Variants in UCKL1 observed in about 807,000 individuals in gnomAD.
UCKL1 encodes uridine-cytidine kinase-like 1.
In UCKL1, 65 loss-of-function variants were observed where a neutral mutation model predicts 59.2. The observed-to-expected ratio is 1.10, with a 90% CI of 0.90 to 1.35. The LOEUF (loss-of-function observed/expected upper bound fraction) is 1.35, where lower values mean the gene tolerates loss of function less well. Ranked by LOEUF, UCKL1 falls within the 40% of genes most tolerant of loss-of-function variation. The pLI is 0.00. For synonymous variants in UCKL1, 410 were observed against 323.1 expected (o/e 1.27, Z -2.88); for missense variants, 703 against 784.3 (o/e 0.90, Z 1.24).
intron 4 of UCKL1, 22 bp downstream of exon 4, chr20:63,945,783 C>CCT: frequency 6.2e-7 from 1 of 1,613,108 alleles, no homozygotes; most frequent in Non-Finnish European, 8.5e-7. Flanking sequence ...CCCGAGGCCC[C>CCT]CTCTGCAGGG....
intron 8 of UCKL1, 37 bp downstream of exon 8, chr20:63,943,616 G>A: frequency 6.2e-7 from 1 of 1,612,430 alleles, no homozygotes; most frequent in South Asian, 1.1e-5. Flanking sequence ...GGTGTTGGAA[G>A]TGCCTCCATC....
In UCKL1 at chr20:63,940,748, C is replaced by G. The variant is rs778654702; in HGVS notation, c.1180-32G>C. On this transcript the variant is annotated intron_variant, in intron 11 of 14. Coordinates refer to ENST00000354216, the MANE Select transcript of UCKL1 (RefSeq NM_017859.4). ...GGAGGGGAGGCTAAGCGCCCACATC[C>G]CGCCCCAGCAGCCTGTCCCGCGCCC... is the stretch of plus-strand genomic sequence containing the variant. The G allele has an allele frequency of 2.5e-5, 40 of 1,605,900 alleles. No individual in the cohort carries two copies. In the Admixed American group the frequency reaches 5.4e-4, roughly 22 times the overall value.
At chr20:63,940,906 G>GCT in intron 10 of UCKL1, 44 bp downstream of exon 10, 1 of 1,521,046 alleles carries the variant, frequency 6.6e-7, no homozygotes, top group Non-Finnish European at 8.8e-7. Flanking sequence ...GCTCGCACCG[G>GCT]CTCCAAGACC....
rs773397582 is a variant in UCKL1, at chr20:63,941,027, G to A, written c.1039C>T (p.Arg347Cys). 3.2e-6 allele frequency: 5 copies of A among 1,567,084 alleles called. No individual in the cohort carries two copies. The East Asian group carries it at 6.8e-5, about 21-fold the overall frequency. Reference sequence around the variant, plus strand: ...TTGGAGTAGAAGATGAACTCGTCGCGACTGGTCTCCTTGTCCCTGTGGGGC... The same window carrying A: ...TTGGAGTAGAAGATGAACTCGTCGCAACTGGTCTCCTTGTCCCTGTGGGGC... ...HTIIRDKETS[R>C]DEFIFYSKRL... Residue 347 changes from arginine (R) to cysteine (C), a missense_variant, in exon 10 of 15, where the codon CGC (arginine) becomes TGC (cysteine). By Grantham distance (180) the Arg-to-Cys change is radical (BLOSUM62 -3). This residue lies in a region of UCKL1 where 156 missense variants were observed against 185.6 expected (regional missense o/e 0.84). Transcript: ENST00000354216.
chr20:63,940,441 C>G lies in UCKL1; in HGVS notation c.1347G>C (p.Val449=). The part of the protein sequence containing the change: ...RLPKDISDDH[V]ILMDCTVSTG... ...TGGACACGGTGCAGTCCATGAGGAT[C>G]ACGTGGTCATCGCTGATGTCCTTGG... is the stretch of plus-strand genomic sequence containing the variant. The change falls in exon 13 of 15, where the codon GTG becomes GTC. Residue 449 remains valine, a synonymous_variant. Transcript: ENST00000354216. 1 of 1,612,424 alleles carries G rather than the reference C, an allele frequency of 6.2e-7. No homozygotes were observed. Among genetic ancestry groups the G allele is most frequent in the Non-Finnish European group, 8.5e-7 (1 of 1,179,816 alleles).
intron 5 of UCKL1, among the ~76,000 whole-genome samples, chr20:63,945,037 T>C (rs943676257): frequency 1.2e-4 from 19 of 152,208 alleles, no homozygotes. Flanking sequence ...GGTGGCTGGC[T>C]AAGGAATCAG....
In UCKL1 at chr20:63,945,923, T is replaced by C. The variant is rs1019358272; in HGVS notation, c.464A>G (p.Asp155Gly). The C allele has an allele frequency of 6.2e-7, 1 of 1,613,698 alleles. No individual in the cohort carries two copies. The highest frequency in any genetic ancestry group is 8.5e-7 in the Non-Finnish European group (1 of 1,179,988). ...GTCGAAGTCAAAGGCATCTGGGTGGTCGAAGTTGAAGTTGTTGTGTGCGGC... is the reference window on the plus strand; with the variant it reads ...GTCGAAGTCAAAGGCATCTGGGTGGCCGAAGTTGAAGTTGTTGTGTGCGGC... ...EQAAHNNFNF[D>G]HPDAFDFDLI... Residue 155 changes from aspartate (D) to glycine (G), a missense_variant, in exon 4 of 15, where the codon GAC (aspartate) becomes GGC (glycine). Coordinates refer to ENST00000354216, the MANE Select transcript of UCKL1 (RefSeq NM_017859.4).
At chr20:63,946,787 C>T (rs749056436) in intron 1 of UCKL1, 144 bp from the exon 2 acceptor site, 4 of 831,320 alleles carry the variant, frequency 4.8e-6, no homozygotes, top group Non-Finnish European at 7.3e-6. Context: ...TACATAAGAA[C>T]TCTGCCTGGG....
intron 1 of UCKL1, among the ~76,000 whole-genome samples, chr20:63,952,978 G>A (rs762777306): frequency 2.6e-5 from 4 of 152,310 alleles, no homozygotes; most frequent in African/African-American, 7.2e-5. Context: ...GGCCGGGCGC[G>A]GTGGCTCACG....
At chr20:63,956,155 G>T in intron 1 of UCKL1, 105 bp downstream of exon 1, 2 of 1,111,250 alleles carry the variant, frequency 1.8e-6, no homozygotes, top group Non-Finnish European at 1.2e-6. Context: ...GCCTCCGGGA[G>T]TGGGGGACTT....
chr20:63,950,704 G>C, intron 1 of UCKL1: 2 of 1,452,108 alleles, frequency 1.4e-6, no homozygotes, highest in Non-Finnish European at 1.8e-6. Context: ...TGAGTGGCCA[G>C]GACCACAGCA....
chr20:63,947,232 A>T (rs1416483451), intron 1 of UCKL1, among the ~76,000 whole-genome samples: 2 of 152,222 alleles, frequency 1.3e-5, no homozygotes, highest in Non-Finnish European at 2.9e-5. Context: ...GAGAGGCGCT[A>T]TCTTGGGGCC....
intron 8 of UCKL1, 24 bp downstream of exon 8, chr20:63,943,629 T>C: frequency 6.2e-7 from 1 of 1,609,404 alleles, no homozygotes; most frequent in Non-Finnish European, 8.5e-7. Context: ...CCTCCATCTG[T>C]GCAGACAGCT....
intron 14 of UCKL1, 40 bp from the exon 15 acceptor site, chr20:63,940,095 C>T (rs777721209): frequency 3.7e-6 from 6 of 1,611,330 alleles, no homozygotes; most frequent in Middle Eastern, 1.7e-4. Context: ...GGTGGGGCCT[C>T]CCAGGGCCAC....
Position 63,945,694 on chromosome 20 carries a change from A to G in UCKL1, c.611T>C (p.Ile204Thr), listed in dbSNP as rs772591098. The G allele has an allele frequency of 8.1e-6, 13 of 1,613,130 alleles. No homozygotes were observed. Among genetic ancestry groups the G allele is most frequent in the Non-Finnish European group, 7.6e-6 (9 of 1,179,840 alleles). Residue 204 changes from isoleucine to threonine, a missense_variant, in exon 5 of 15, where the codon ATC becomes ACC. By Grantham distance (89) the Ile-to-Thr change is moderately conservative (BLOSUM62 -1). Around this residue, in one of 4 missense-constraint regions of UCKL1, gnomAD observed 398 missense variants for 373.0 expected, o/e 1.07. Transcript: ENST00000354216. The stretch of plus-strand genomic sequence containing the variant: ...AGCAAAGGCCATGATGCCCTCAAAG[A>G]TGATGACGTTTGCACCATACAGTGT... ...WKTLYGANVI[I>T]FEGIMAFADK...
chr20:63,948,731 C>A (rs1394259436), intron 1 of UCKL1, among the ~76,000 whole-genome samples: 1 of 140,776 alleles, frequency 7.1e-6, no homozygotes, highest in Non-Finnish European at 1.5e-5. Flanking sequence ...GAGAGGGAAG[C>A]GTGTGCACAC....
chr20:63,940,710 C>G lies in UCKL1; in HGVS notation c.1186G>C (p.Gly396Arg). 1 of 1,607,560 alleles carries G rather than the reference C, an allele frequency of 6.2e-7. No homozygotes were observed. ...TCACCGGCGCGCAGAATGGACACAC[C>G]GGTGATCTGCGGGGAGGGGAGGCTA... Reference protein sequence around the residue: ...GKCYAGKQITGVSILRAGETM... With the variant: ...GKCYAGKQITRVSILRAGETM... Residue 396 changes from glycine (G) to arginine (R), a missense_variant, in exon 12 of 15, where the codon GGT (glycine) becomes CGT (arginine). This residue lies in a region of UCKL1 where 156 missense variants were observed against 185.6 expected (regional missense o/e 0.84). Transcript: ENST00000354216.
intron 14 of UCKL1, 44 bp from the exon 15 acceptor site, chr20:63,940,099 G>C (rs374342992): frequency 2.5e-4 from 407 of 1,611,294 alleles, no homozygotes; most frequent in Non-Finnish European, 3.3e-4. Context: ...GGGCCTCCCA[G>C]GGCCACCCAC....
intron 8 of UCKL1, chr20:63,941,546 G>A: frequency 3.0e-6 from 1 of 337,764 alleles, no homozygotes; most frequent in Non-Finnish European, 6.0e-6. Context: ...GCTCACACGT[G>A]CTGATAGGTG....
Sources: allele counts gnomAD v4.1 joint callset (sites outside exome capture counted in the v4.1 genomes callset), GRCh38; gene constraint gnomAD v4.1.1; regional missense constraint gnomAD v4.1.1; transcripts MANE v1.5; gene names NCBI Gene and HGNC (gene_info 2026-07-23, HGNC 2026-07-21).